Variants in DHRS9 observed in about 807,000 individuals in gnomAD.
DHRS9 encodes the protein dehydrogenase/reductase SDR family member 9.
DHRS9 carries 18 observed loss-of-function variants against 26.6 expected under a neutral mutation model. That is an observed-to-expected ratio of 0.68 (90% CI 0.47 to 1.00). The LOEUF is 1.00. DHRS9 is among the 50% of genes least tolerant of loss of function. DHRS9 has a pLI of 0.00. For synonymous variants in DHRS9, 134 were observed against 141.1 expected (o/e 0.95, Z 0.36); for missense variants, 425 against 378.7 (o/e 1.12, Z -1.01).
intron 4 of DHRS9, 58 bp from the exon 5 acceptor site, chr2:169,095,486 A>T: frequency 7.1e-7 from 1 of 1,405,238 alleles, no homozygotes; most frequent in Non-Finnish European, 1.0e-6. Context: ...TGCACCCTAG[A>T]CTTCCACTCT....
Position 169,081,697 on chromosome 2 carries a change from C to G in DHRS9, c.116C>G (p.Ser39Trp). The G allele has an allele frequency of 6.2e-7, 1 of 1,614,140 alleles. No individual in the cohort carries two copies. Among genetic ancestry groups the G allele is most frequent in the Non-Finnish European group, 8.5e-7 (1 of 1,180,020 alleles). ...TACATTTTTATCACTGGATGTGACT[C>G]GGGCTTTGGAAACTTGGCAGCCAGA... ...DKYIFITGCD[S>W]GFGNLAARTF... Residue 39 changes from serine (S) to tryptophan (W), a missense_variant, in exon 2 of 5, where the codon TCG becomes TGG. By Grantham distance (177) the Ser-to-Trp change is radical. Coordinates refer to ENST00000674881, the MANE Select transcript of DHRS9 (RefSeq NM_001376924.1).
intron 1 of DHRS9, chr2:169,072,761 A>T (rs1024519277): frequency 1.6e-6 from 1 of 632,148 alleles, no homozygotes; most frequent in African/African-American, 2.0e-5. Context: ...AAAGTTTGAT[A>T]AAGTGTTCTT....
At chr2:169,067,349 G>A (rs1264817534), upstream of DHRS9, 5 of 1,500,546 alleles carry the variant, frequency 3.3e-6, no homozygotes, top group East Asian at 2.5e-5. Flanking sequence ...GTTGCAGGAA[G>A]CCTAACGTAT....
At chr2:169,070,590 T>C (rs980747763) in intron 1 of DHRS9, 1 of 984,802 alleles carries the variant, frequency 1.0e-6, no homozygotes, top group African/African-American at 1.7e-5. Flanking sequence ...CAAAGTTAAA[T>C]GTTATACCAC....
upstream of DHRS9, among the ~76,000 whole-genome samples, chr2:169,068,976 G>C (rs1363098336): frequency 6.6e-6 from 1 of 152,176 alleles, no homozygotes; most frequent in Non-Finnish European, 1.5e-5. Context: ...ACTCTGGGAG[G>C]GGAGGAGGCA....
rs61995931 is a variant in DHRS9 at position 169,081,813 on chromosome 2, C to G, written c.232C>G (p.Arg78Gly). The change falls in exon 2 of 5, where the codon CGT becomes GGT. Residue 78 changes from arginine to glycine, a missense_variant. By Grantham distance (125) the Arg-to-Gly change is moderately radical. Transcript: ENST00000674881. ...AAAGGCAGAAACCTCAGAGAGACTTCGTACTGTGCTTCTGGATGTGACCGA... is the reference window on the plus strand; with the variant it reads ...AAAGGCAGAAACCTCAGAGAGACTTGGTACTGTGCTTCTGGATGTGACCGA... ...ALKAETSERLRTVLLDVTDPE... is the reference protein window; with the variant it reads ...ALKAETSERLGTVLLDVTDPE... 22 of 1,614,056 alleles carry G rather than the reference C, an allele frequency of 1.4e-5. No homozygotes were observed. The highest frequency in any genetic ancestry group is 1.9e-5 in the Non-Finnish European group (22 of 1,180,012).
intron 1 of DHRS9, chr2:169,081,065 G>A: frequency 1.1e-6 from 1 of 872,664 alleles, no homozygotes; most frequent in Middle Eastern, 5.9e-4. Flanking sequence ...AAGATAATTG[G>A]GAGTCTGACA....
intron 3 of DHRS9, among the ~76,000 whole-genome samples, chr2:169,088,626 A>G (rs918995535): frequency 6.6e-6 from 1 of 152,194 alleles, no homozygotes; most frequent in African/African-American, 2.4e-5. Flanking sequence ...CCCAGTGTAT[A>G]GATGATGCCA....
chr2:169,072,063 A>G (rs185344222), intron 1 of DHRS9, among the ~76,000 whole-genome samples: 3 of 151,238 alleles, frequency 2.0e-5, no homozygotes, highest in East Asian at 1.9e-4. Context: ...TTTTACTTCA[A>G]TGAAAAGGAA....
At chr2:169,078,974 A>G (rs1398150117) in intron 1 of DHRS9, among the ~76,000 whole-genome samples, 1 of 151,392 alleles carries the variant, frequency 6.6e-6, no homozygotes, top group Non-Finnish European at 1.5e-5. Flanking sequence ...TAGCCTCCTG[A>G]GTAGCTGGGA....
chr2:169,078,608 G>A (rs1464401165), intron 1 of DHRS9, among the ~76,000 whole-genome samples: 3 of 152,160 alleles, frequency 2.0e-5, no homozygotes, highest in African/African-American at 7.2e-5. Context: ...ATGTATTTGA[G>A]AACGGGAAAT....
chr2:169,095,482 C>A, intron 4 of DHRS9, 62 bp from the exon 5 acceptor site: 2 of 1,380,428 alleles, frequency 1.4e-6, no homozygotes, highest in Non-Finnish European at 2.1e-6. Flanking sequence ...CCTTTGCACC[C>A]TAGACTTCCA....
Position 169,081,667 on chromosome 2 carries a change from A to G in DHRS9, c.86A>G (p.Asp29Gly), listed in dbSNP as rs753395949. The G allele has an allele frequency of 4.3e-6, 7 of 1,614,196 alleles. No individual in the cohort carries two copies. The South Asian group carries it at 6.6e-5, about 15-fold the overall frequency. Residue 29 changes from aspartate to glycine, a missense_variant, in exon 2 of 5, where the codon GAT becomes GGT. Asp to Gly is a moderately conservative substitution (Grantham distance 94). Coordinates refer to ENST00000674881, the MANE Select transcript of DHRS9 (RefSeq NM_001376924.1). ...AAACTAAAGATTGAAGACATCACTG[A>G]TAAGTACATTTTTATCACTGGATGT... The part of the protein sequence containing the change: ...KGKLKIEDIT[D>G]KYIFITGCDS...
intron 3 of DHRS9, among the ~76,000 whole-genome samples, chr2:169,084,694 C>A (rs933439356): frequency 1.3e-5 from 2 of 151,844 alleles, no homozygotes; most frequent in Admixed American, 6.6e-5. Flanking sequence ...TAGACTTTTC[C>A]CCATAGAGTT....
At chr2:169,082,617 C>G (rs570597936) in intron 2 of DHRS9, among the ~76,000 whole-genome samples, 45 of 152,238 alleles carry the variant, frequency 3.0e-4, no homozygotes, top group African/African-American at 1.1e-3. Flanking sequence ...CGATTTTTAA[C>G]ACTTGAATTC....
intron 4 of DHRS9, among the ~76,000 whole-genome samples, chr2:169,093,655 C>T (rs1251048472): frequency 6.6e-6 from 1 of 152,076 alleles, no homozygotes; most frequent in Non-Finnish European, 1.5e-5. Context: ...GGCTTGGTTC[C>T]TGGTTCATGT....
intron 4 of DHRS9, among the ~76,000 whole-genome samples, chr2:169,094,116 G>A (rs1684621379): frequency 6.6e-6 from 1 of 152,130 alleles, no homozygotes; most frequent in Non-Finnish European, 1.5e-5. Flanking sequence ...TCTTTTGATA[G>A]TAGCCATTCT....
Position 169,095,547 on chromosome 2 carries a change from T to A in DHRS9, c.740T>A (p.Leu247Gln). The A allele has an allele frequency of 6.2e-7, 1 of 1,613,178 alleles. No homozygotes were observed. Among genetic ancestry groups the A allele is most frequent in the Non-Finnish European group, 8.5e-7 (1 of 1,179,216 alleles). The change falls in exon 5 of 5, where the codon CTA becomes CAA. Residue 247 changes from leucine to glutamine, a missense_variant. Leu to Gln is a moderately radical substitution (Grantham distance 113, BLOSUM62 -2). Coordinates refer to ENST00000674881, the MANE Select transcript of DHRS9 (RefSeq NM_001376924.1). ...QYGEGYIEKS[L>Q]DKLKGNKSYV... Reference sequence around the variant, plus strand: ...ATGTACTTTTGTCTCTTTTTAGGTCTAGACAAACTGAAAGGCAATAAATCC... The same window carrying A: ...ATGTACTTTTGTCTCTTTTTAGGTCAAGACAAACTGAAAGGCAATAAATCC...
chr2:169,083,263 A>G, intron 2 of DHRS9, 66 bp from the exon 3 acceptor site: 3 of 1,565,606 alleles, frequency 1.9e-6, no homozygotes, highest in Non-Finnish European at 2.6e-6. Flanking sequence ...CAGGGGCTGT[A>G]TTTTCATCAA....
Sources: allele counts gnomAD v4.1 joint callset (sites outside exome capture counted in the v4.1 genomes callset), GRCh38; gene constraint gnomAD v4.1.1; transcripts MANE v1.5; gene names NCBI Gene and HGNC (gene_info 2026-07-23, HGNC 2026-07-21).